The following POGLUT1 variants were observed in gnomAD, a reference collection of about 807,000 sequenced individuals.
POGLUT1 encodes the protein protein O-glucosyltransferase 1.
Under a neutral mutation model 61.3 loss-of-function variants are expected in POGLUT1, and 32 were observed. The observed-to-expected ratio is 0.52, with a 90% CI of 0.39 to 0.70. POGLUT1 has a LOEUF of 0.70. Among genes scored for constraint, POGLUT1 ranks in the 30% least tolerant of loss-of-function variants. The pLI is 0.00. For synonymous variants in POGLUT1, 158 were observed against 158.2 expected (o/e 1.00, Z 0.01); for missense variants, 411 against 469.8 (o/e 0.87, Z 1.16).
At position 119,480,179 on chromosome 3, in the gene POGLUT1, C is replaced by T. The variant is rs565453838; in HGVS notation, c.578+7C>T. The T allele has an allele frequency of 6.5e-6, 10 of 1,539,478 alleles. No individual in the cohort carries two copies. In the South Asian group the frequency reaches 8.7e-5, roughly 13 times the overall value. On this transcript the variant is annotated splice_region_variant and intron_variant, in intron 5 of 10. Transcript: ENST00000295588. ...TCAGAGAAGATCTGGTAAGGTAGGT[C>T]CTTTAAAGAGGTTTTATTTTTTCTC...
At position 119,477,405 on chromosome 3, in the gene POGLUT1, C is replaced by CATTT; in HGVS notation, c.413_414insATTT (p.Lys139PhefsTer2). ...AATGTACGAGATTATCCTCAGGTTC[C>CATTT]TAAATGGATGGAGCCTGCCATCCCA... On this transcript the variant is annotated frameshift_variant, in exon 4 of 11. Coordinates refer to ENST00000295588, the MANE Select transcript of POGLUT1 (RefSeq NM_152305.3). LOFTEE classifies it high-confidence loss of function. 6.2e-7 allele frequency: 1 copy of CATTT among 1,614,146 alleles called. No individual in the cohort carries two copies. Among genetic ancestry groups the CATTT allele is most frequent in the South Asian group, 1.1e-5 (1 of 91,082 alleles).
At chr3:119,472,268 C>T (rs1490222923) in intron 3 of POGLUT1, among the ~76,000 whole-genome samples, 1 of 151,552 alleles carries the variant, frequency 6.6e-6, no homozygotes, top group African/African-American at 2.4e-5. Flanking sequence ...CATAATATTC[C>T]CTTATGTAAG....
intron 6 of POGLUT1, among the ~76,000 whole-genome samples, chr3:119,486,377 G>A (rs915244876): frequency 4.6e-5 from 7 of 152,086 alleles, no homozygotes; most frequent in African/African-American, 1.4e-4. Context: ...AGGTTTTTAA[G>A]CCCTTTGGTT....
At chr3:119,469,236 AC>A in intron 1 of POGLUT1, 130 bp downstream of exon 1, 1 of 720,212 alleles carries the variant, frequency 1.4e-6, no homozygotes, top group Non-Finnish European at 2.4e-6. Context: ...GGCAGAAGGC[AC>A]CGGGGCGCCT....
intron 5 of POGLUT1, among the ~76,000 whole-genome samples, chr3:119,480,897 C>A (rs2107711383): frequency 6.6e-6 from 1 of 152,062 alleles, no homozygotes; most frequent in East Asian, 1.9e-4. Context: ...TGCCACCACA[C>A]CTGGCTAATT....
rs760714515 is a variant in POGLUT1 at position 119,488,924 on chromosome 3, TA to T, written c.739-2del. 3.2e-6 allele frequency: 5 copies of T among 1,555,512 alleles called. No individual in the cohort carries two copies. In the Admixed American group the frequency reaches 6.7e-5, roughly 21 times the overall value. On this transcript the variant is annotated splice_polypyrimidine_tract_variant and splice_region_variant and intron_variant, in intron 7 of 10. Coordinates refer to ENST00000295588, the MANE Select transcript of POGLUT1 (RefSeq NM_152305.3). ...TAATACTAATAACTTCCTTTCCACT[TA>T]AAGGATACCTTAGGAAAGCCAGCTG...
chr3:119,477,001 TA>T (rs964111001), intron 3 of POGLUT1, among the ~76,000 whole-genome samples: 1 of 152,122 alleles, frequency 6.6e-6, no homozygotes, highest in Non-Finnish European at 1.5e-5. Flanking sequence ...ATAAGGGAAA[TA>T]AAGAAAAGAA....
chr3:119,478,934 C>CT (rs998223317), intron 4 of POGLUT1, among the ~76,000 whole-genome samples: 17 of 145,600 alleles, frequency 1.2e-4, no homozygotes, highest in Admixed American at 2.7e-4. Context: ...AAACTTTTTT[C>CT]TTTTTTTTGA....
intron 3 of POGLUT1, 177 bp downstream of exon 3, chr3:119,471,629 T>G (rs2081475678): frequency 1.7e-6 from 1 of 598,246 alleles, no homozygotes; most frequent in Non-Finnish European, 3.0e-6. Context: ...CGAGCTCCTC[T>G]CAAAGCCTGT....
At chr3:119,486,095 G>A (rs2081660658) in intron 6 of POGLUT1, among the ~76,000 whole-genome samples, 1 of 152,178 alleles carries the variant, frequency 6.6e-6, no homozygotes, top group Non-Finnish European at 1.5e-5. Context: ...GACTTTAGGA[G>A]GTAAATGGAT....
intron 10 of POGLUT1, 87 bp from the exon 11 acceptor site, chr3:119,492,195 C>A: frequency 1.1e-6 from 1 of 941,572 alleles, no homozygotes; most frequent in South Asian, 1.9e-5. Context: ...CTGAATAATG[C>A]TTGGCACAAG....
At chr3:119,476,541 T>G (rs921110314) in intron 3 of POGLUT1, among the ~76,000 whole-genome samples, 2 of 152,000 alleles carry the variant, frequency 1.3e-5, no homozygotes, top group African/African-American at 4.8e-5. Flanking sequence ...TCTGCCTAAG[T>G]CTCCCAAGTA....
intron 5 of POGLUT1, among the ~76,000 whole-genome samples, chr3:119,483,201 A>G (rs1234742923): frequency 6.6e-6 from 1 of 152,220 alleles, no homozygotes; most frequent in East Asian, 1.9e-4. Flanking sequence ...AATCAGATGA[A>G]TGTGCAAAGA....
At chr3:119,487,266 A>G (rs2081676194) in intron 7 of POGLUT1, among the ~76,000 whole-genome samples, 1 of 152,182 alleles carries the variant, frequency 6.6e-6, no homozygotes, top group African/African-American at 2.4e-5. Context: ...CAGTTTGTAA[A>G]TGAATGAGCC....
At chr3:119,472,198 G>GTTTTTTTTTTTTTT (rs202225934) in intron 3 of POGLUT1, among the ~76,000 whole-genome samples, 1 of 149,238 alleles carries the variant, frequency 6.7e-6, no homozygotes. Context: ...TATTTTTGGA[G>GTTTTTTTTTTTTTT]TTTGTTTTTT....
chr3:119,475,520 C>A (rs556533374), intron 3 of POGLUT1, among the ~76,000 whole-genome samples: 6 of 152,220 alleles, frequency 3.9e-5, no homozygotes, highest in African/African-American at 1.2e-4. Flanking sequence ...ATTTTAAAAT[C>A]TTGATAAATA....
At chr3:119,470,333 T>G (rs555921269) in intron 2 of POGLUT1, among the ~76,000 whole-genome samples, 2 of 152,266 alleles carry the variant, frequency 1.3e-5, no homozygotes, top group South Asian at 4.1e-4. Context: ...CCCAGCACTT[T>G]GAGAGGCCAA....
intron 3 of POGLUT1, among the ~76,000 whole-genome samples, chr3:119,473,798 C>CT (rs1448922504): frequency 2.0e-5 from 3 of 151,788 alleles, no homozygotes; most frequent in African/African-American, 7.3e-5. Context: ...GTAGCTGGGA[C>CT]TACAGGCGCC....
At chr3:119,477,194 TG>T (rs2081547531) in intron 3 of POGLUT1, 118 bp from the exon 4 acceptor site, 2 of 967,868 alleles carry the variant, frequency 2.1e-6, no homozygotes. Flanking sequence ...TGCAGTAGAC[TG>T]ATGATATGGA....
Sources: allele counts gnomAD v4.1 joint callset (sites outside exome capture counted in the v4.1 genomes callset), GRCh38; gene constraint gnomAD v4.1.1; transcripts MANE v1.5; gene names NCBI Gene and HGNC (gene_info 2026-07-23, HGNC 2026-07-21).